The following SUPT3H variants were observed in gnomAD, a reference collection of about 807,000 sequenced individuals.
SUPT3H encodes SPT3 homolog, SAGA and STAGA complex component.
In SUPT3H, 44 loss-of-function variants were observed where a neutral mutation model predicts 44.3. The observed-to-expected ratio is 0.99, with a 90% confidence interval of 0.78 to 1.28. The LOEUF (loss-of-function observed/expected upper bound fraction) is 1.28, where lower values mean the gene tolerates loss of function less well. Among genes scored for constraint, SUPT3H ranks in the 50% most tolerant of loss-of-function variants. The probability of loss-of-function intolerance (pLI) is 0.00; values close to 1 mark genes in which losing one functional copy is unlikely to be tolerated. For missense variants in SUPT3H, 380 were observed against 387.1 expected (o/e 0.98, Z 0.15); for synonymous variants, 124 against 125.6 (o/e 0.99, Z 0.09).
Position 45,093,313 on chromosome 6 carries a change from C to A in SUPT3H, c.186+12609G>T, listed in dbSNP as rs554209464. ...TATACAGAAATGTTTTTATTTAAAA[C>A]CTGGAAAATGGCCTATATATACAAT... On this transcript the variant is annotated intron_variant, in intron 3 of 10. Coordinates refer to ENST00000371459, the MANE Select transcript of SUPT3H (RefSeq NM_003599.4). 5.9e-5 allele frequency among the ~76,000 whole-genome samples: 9 copies of A among 151,958 alleles called. No homozygotes were observed. The East Asian group carries it at 1.7e-3, about 29-fold the overall frequency.
chr6:44,911,933 T>G (rs1458117939), intron 10 of SUPT3H, among the ~76,000 whole-genome samples: 1 of 152,156 alleles, frequency 6.6e-6, no homozygotes, highest in African/African-American at 2.4e-5. Flanking sequence ...GAGAAAGGCT[T>G]TGATGAGTTA....
intron 2 of SUPT3H, among the ~76,000 whole-genome samples, chr6:45,231,346 A>C (rs1448079205): frequency 6.6e-6 from 1 of 152,152 alleles, no homozygotes; most frequent in African/African-American, 2.4e-5. Context: ...TTCCTTCATG[A>C]AGAATCATTT....
At chr6:45,187,895 A>C (rs2153616807) in intron 2 of SUPT3H, among the ~76,000 whole-genome samples, 1 of 152,368 alleles carries the variant, frequency 6.6e-6, no homozygotes, top group South Asian at 2.1e-4. Context: ...CTGAGGTTTC[A>C]GTTATCTACT....
intron 7 of SUPT3H, among the ~76,000 whole-genome samples, chr6:44,956,484 T>TAAAAAAAAAAAAAA (rs1355247914): frequency 3.7e-4 from 1 of 2,702 alleles, no homozygotes; most frequent in South Asian, 0.011. Flanking sequence ...AAAAAAAAAA[T>TAAAAAAAAAAAAAA]AAAAAAAAAA....
intron 2 of SUPT3H, among the ~76,000 whole-genome samples, chr6:45,170,639 C>CTTTTTT (rs1279802408): frequency 6.6e-6 from 1 of 152,054 alleles, no homozygotes; most frequent in African/African-American, 2.4e-5. Flanking sequence ...GGTTCATTTT[C>CTTTTTT]TTTTTTTCTT....
At chr6:45,275,520 A>G (rs72858566) in intron 2 of SUPT3H, among the ~76,000 whole-genome samples, 2,212 of 152,316 alleles carry the variant, frequency 0.015, 25 homozygotes, top group South Asian at 0.029. Flanking sequence ...AAGAATGAAG[A>G]ACTGTCACAG....
intron 9 of SUPT3H, among the ~76,000 whole-genome samples, chr6:44,948,877 C>T (rs1389477409): frequency 6.6e-6 from 1 of 152,048 alleles, no homozygotes; most frequent in African/African-American, 2.4e-5. Flanking sequence ...TTGACCCAGC[C>T]ATCCCATTAC....
rs535663853 is a variant in SUPT3H at position 45,020,861 on chromosome 6, C to A, written c.187-229G>T. ...TGTAACCAATACAATAAACAGAAAT[C>A]TTTTATTTCTTTCTTGCAAAAGAAA... is the stretch of plus-strand genomic sequence containing the variant. On this transcript the variant is annotated intron_variant, in intron 3 of 10. Coordinates refer to ENST00000371459, the MANE Select transcript of SUPT3H (RefSeq NM_003599.4). Among the ~76,000 whole-genome samples, 4 of 152,002 alleles carry A rather than the reference C, an allele frequency of 2.6e-5. No homozygotes were observed. The East Asian group carries it at 7.7e-4, about 29-fold the overall frequency.
At chr6:45,088,149 G>A (rs756323432) in intron 3 of SUPT3H, among the ~76,000 whole-genome samples, 5 of 152,084 alleles carry the variant, frequency 3.3e-5, no homozygotes, top group East Asian at 3.9e-4. Context: ...AAAATCAGAC[G>A]GGAACTGACA....
At chr6:44,879,138 C>A (rs1028990982) in intron 10 of SUPT3H, among the ~76,000 whole-genome samples, 1 of 152,166 alleles carries the variant, frequency 6.6e-6, no homozygotes, top group Non-Finnish European at 1.5e-5. Context: ...CTCAGCAAAT[C>A]CCACCCCCAT....
intron 6 of SUPT3H, among the ~76,000 whole-genome samples, chr6:44,998,217 T>C (rs1343900917): frequency 6.6e-6 from 1 of 151,874 alleles, no homozygotes; most frequent in East Asian, 1.9e-4. Flanking sequence ...TTTCATGAAT[T>C]AAAGAGCTCT....
rs1382720459 is a variant in SUPT3H, at chr6:45,020,638, A to G, written c.187-6T>C. The G allele has an allele frequency of 6.2e-7, 1 of 1,607,504 alleles. No individual in the cohort carries two copies. Among genetic ancestry groups the G allele is most frequent in the African/African-American group, 1.3e-5 (1 of 74,648 alleles). On this transcript the variant is annotated splice_region_variant and splice_polypyrimidine_tract_variant and intron_variant, in intron 3 of 10. Coordinates refer to ENST00000371459, the MANE Select transcript of SUPT3H (RefSeq NM_003599.4). ...ACTTCAGCAGCTTGCTGTAACTAAC[A>G]ATAATGAAAATTTAGAAATTTTTCT...
intron 10 of SUPT3H, among the ~76,000 whole-genome samples, chr6:44,914,301 G>T (rs900474811): frequency 6.6e-6 from 1 of 152,204 alleles, no homozygotes; most frequent in African/African-American, 2.4e-5. Flanking sequence ...TGGTTATGTG[G>T]AGCTTTGCTC....
intron 2 of SUPT3H, among the ~76,000 whole-genome samples, chr6:45,217,974 A>G (rs1765373884): frequency 6.6e-6 from 1 of 152,140 alleles, no homozygotes; most frequent in Admixed American, 6.6e-5. Context: ...ACAGGAAGGC[A>G]AAAAGAAAGA....
intron 2 of SUPT3H, among the ~76,000 whole-genome samples, chr6:45,326,901 C>T (rs1023462865): frequency 6.6e-6 from 1 of 151,870 alleles, no homozygotes; most frequent in South Asian, 2.1e-4. Flanking sequence ...TAGTTACTGT[C>T]ACACTAGGAA....
At chr6:45,070,277 T>A (rs1794169171) in intron 3 of SUPT3H, among the ~76,000 whole-genome samples, 1 of 152,144 alleles carries the variant, frequency 6.6e-6, no homozygotes, top group African/African-American at 2.4e-5. Flanking sequence ...TTATAACACA[T>A]TGAAATTTAT....
intron 2 of SUPT3H, among the ~76,000 whole-genome samples, chr6:45,341,407 T>C (rs900757290): frequency 6.6e-6 from 1 of 152,224 alleles, no homozygotes; most frequent in African/African-American, 2.4e-5. Context: ...TCTGCACCTA[T>C]ATTTAACTTG....
intron 2 of SUPT3H, among the ~76,000 whole-genome samples, chr6:45,192,796 A>G (rs1401116545): frequency 6.6e-6 from 1 of 152,198 alleles, no homozygotes; most frequent in Non-Finnish European, 1.5e-5. Flanking sequence ...CCTACTGCAG[A>G]GAATTTAGCT....
chr6:45,217,434 A>G (rs1397765990), intron 2 of SUPT3H, among the ~76,000 whole-genome samples: 1 of 150,754 alleles, frequency 6.6e-6, no homozygotes, highest in Non-Finnish European at 1.5e-5. Context: ...GACATCACGC[A>G]ACTGCACTCC....
Sources: gnomAD v4.1 joint callset for allele counts (sites outside exome capture counted in the v4.1 genomes callset) on GRCh38, gnomAD v4.1.1 for gene constraint, MANE v1.5 for transcripts, NCBI Gene and HGNC (gene_info 2026-07-23, HGNC 2026-07-21) for gene names.